ABAT: variants seen among roughly 807,000 people sequenced by gnomAD.
ABAT encodes the protein 4-aminobutyrate aminotransferase, mitochondrial.
A neutral mutation model predicts 64.6 loss-of-function variants in ABAT; 45 were observed. The ratio of observed to expected loss-of-function variants is 0.70; its 90% confidence interval spans 0.55 to 0.89. ABAT has a LOEUF of 0.89. Among genes scored for constraint, ABAT ranks in the 40% least tolerant of loss-of-function variants. ABAT has a pLI of 0.00. For missense variants in ABAT, 633 were observed against 658.4 expected (o/e 0.96, Z 0.42); for synonymous variants, 297 against 250.5 (o/e 1.19, Z -1.75).
intron 1 of ABAT, among the ~76,000 whole-genome samples, chr16:8,695,246 G>A (rs925760157): frequency 1.3e-5 from 2 of 152,222 alleles, no homozygotes; most frequent in Non-Finnish European, 2.9e-5. Context: ...TCTCCCCACT[G>A]GAGCTGGCAT....
At chr16:8,693,131 A>C (rs1396323079) in intron 1 of ABAT, among the ~76,000 whole-genome samples, 2 of 152,194 alleles carry the variant, frequency 1.3e-5, no homozygotes, top group Non-Finnish European at 1.5e-5. Flanking sequence ...TTGGGATTAC[A>C]GGCTTGAGCC....
chr16:8,755,114 A>C (rs1283999834), intron 5 of ABAT, among the ~76,000 whole-genome samples: 1 of 152,098 alleles, frequency 6.6e-6, no homozygotes, highest in African/African-American at 2.4e-5. Context: ...CTGTAAGCCC[A>C]AGAATATAGT....
In ABAT at chr16:8,776,583, CCTGCT is replaced by C; in HGVS notation, c.1269+94_1269+98del. 7.5e-7 allele frequency: 1 copy of C among 1,334,890 alleles called. No homozygotes were observed. Among genetic ancestry groups the C allele is most frequent in the Non-Finnish European group, 1.0e-6 (1 of 960,592 alleles). 82.7% of individuals were successfully genotyped at this position (1,334,890 alleles called of 1,614,324 possible). A position where few individuals can be genotyped will look rare whatever the true frequency, so the allele number is the denominator to read the frequency against. ...TGGAGCTCTTCGGCATGGTGTTGTG[CCTGCT>C]GTTCCAGCAGTTCGTAACGGGCTGT... On this transcript the variant is annotated intron_variant, in intron 14 of 15. Transcript: ENST00000268251. This position sits in a 1 kb window ranked among gnomAD's most constrained non-coding sequence, Gnocchi z 4.4.
chr16:8,753,765 C>T (rs2059560315), intron 5 of ABAT, among the ~76,000 whole-genome samples: 1 of 152,118 alleles, frequency 6.6e-6, no homozygotes. Context: ...TGGGGGAGTG[C>T]CAGGGATGAA....
chr16:8,704,350 T>C (rs951186477), intron 1 of ABAT, among the ~76,000 whole-genome samples: 1 of 152,266 alleles, frequency 6.6e-6, no homozygotes, highest in Non-Finnish European at 1.5e-5. Context: ...TTTCCTATAA[T>C]TAAATATCTG....
intron 1 of ABAT, among the ~76,000 whole-genome samples, chr16:8,678,082 C>G (rs1460203599): frequency 6.6e-6 from 1 of 152,050 alleles, no homozygotes; most frequent in Non-Finnish European, 1.5e-5. Context: ...AAATAAAAAC[C>G]AAAAACAGCT....
At chr16:8,742,108 C>A (rs1478273406) in intron 2 of ABAT, among the ~76,000 whole-genome samples, 1 of 152,192 alleles carries the variant, frequency 6.6e-6, no homozygotes, top group African/African-American at 2.4e-5. Context: ...CTGTCCTCAG[C>A]ATTCCTGGCT....
At chr16:8,748,442 A>G (rs904029673) in intron 4 of ABAT, among the ~76,000 whole-genome samples, 5 of 152,046 alleles carry the variant, frequency 3.3e-5, no homozygotes, top group African/African-American at 1.2e-4. Context: ...GCCTTTTTTT[A>G]TGGCCTAGCG....
intron 1 of ABAT, among the ~76,000 whole-genome samples, chr16:8,675,037 A>G (rs1400081873): frequency 6.6e-6 from 1 of 151,996 alleles, no homozygotes; most frequent in Non-Finnish European, 1.5e-5. Context: ...CTCTTGGGAG[A>G]CTGATGCCCC....
Position 8,757,745 on chromosome 16 carries a change from T to C in ABAT, c.317-12T>C. The C allele has an allele frequency of 6.2e-7, 1 of 1,613,866 alleles. No homozygotes were observed. Among genetic ancestry groups the C allele is most frequent in the Non-Finnish European group, 8.5e-7 (1 of 1,179,816 alleles). ...TGCAATGAGGTCTCTAACAATACTC[T>C]CCTGCCCTCAGGTTACAGCCACCCC... On this transcript the variant is annotated splice_polypyrimidine_tract_variant and intron_variant, in intron 5 of 15. Transcript: ENST00000268251.
intron 1 of ABAT, among the ~76,000 whole-genome samples, chr16:8,691,772 T>C (rs2057588608): frequency 6.6e-6 from 1 of 152,190 alleles, no homozygotes; most frequent in Non-Finnish European, 1.5e-5. Context: ...CTGGAGATGC[T>C]TTTGGTTGTT....
At chr16:8,744,725 G>A (rs1288762673) in intron 2 of ABAT, among the ~76,000 whole-genome samples, 8 of 151,710 alleles carry the variant, frequency 5.3e-5, no homozygotes, top group East Asian at 2.0e-4. Flanking sequence ...AAAATTAGCC[G>A]GGTGTAGTGG....
chr16:8,712,234 A>G (rs2058093572), intron 1 of ABAT, among the ~76,000 whole-genome samples: 1 of 152,164 alleles, frequency 6.6e-6, no homozygotes, highest in African/African-American at 2.4e-5. Flanking sequence ...CCATCTCATA[A>G]AAAAAGAAAA....
chr16:8,683,903 A>C (rs893132475), intron 1 of ABAT, among the ~76,000 whole-genome samples: 2 of 152,018 alleles, frequency 1.3e-5, no homozygotes, highest in African/African-American at 4.8e-5. Flanking sequence ...CATGATTTCC[A>C]TGTGCTGTGT....
At chr16:8,684,308 C>T (rs1057366075) in intron 1 of ABAT, among the ~76,000 whole-genome samples, 11 of 152,234 alleles carry the variant, frequency 7.2e-5, no homozygotes, top group African/African-American at 2.4e-4. Context: ...TATGGTGGCT[C>T]GCACCTGCAA....
chr16:8,743,661 GTTATAATA>G (rs1368371515), intron 2 of ABAT, among the ~76,000 whole-genome samples: 1 of 95,466 alleles, frequency 1.0e-5, no homozygotes, highest in African/African-American at 4.0e-5. Flanking sequence ...ATATATTTTA[GTTATAATA>G]TGTTATATAT....
rs750183696 is a variant in ABAT, at chr16:8,766,268, C to T, written c.601C>T (p.Gln201Ter). 2 of 1,613,886 alleles carry T rather than the reference C, an allele frequency of 1.2e-6. No homozygotes were observed. Among genetic ancestry groups the T allele is most frequent in the Non-Finnish European group, 8.5e-7 (1 of 1,179,844 alleles). ...GGAGCTGGAGACGTGCATGATTAAC[C>T]AGGTGAGTGCAGCTGGGCTTGCACC... ...QEELETCMIN[Q>*]APGCPDYSIL... is the part of the protein sequence containing the mutation. Residue 201 changes from glutamine (Q) to a stop codon, truncating the protein, a stop_gained and splice_region_variant, in exon 9 of 16, where the codon CAG becomes TAG. Transcript: ENST00000268251. LOFTEE classifies it high-confidence loss of function.
intron 14 of ABAT, 130 bp from the exon 15 acceptor site, chr16:8,779,349 T>C (rs977601308): frequency 2.8e-5 from 21 of 753,270 alleles, no homozygotes; most frequent in Non-Finnish European, 4.2e-5. Context: ...CTTAACCCCC[T>C]GGAGGTCCTG....
intron 1 of ABAT, among the ~76,000 whole-genome samples, chr16:8,688,408 C>T (rs891420508): frequency 1.3e-5 from 2 of 152,176 alleles, no homozygotes; most frequent in African/African-American, 2.4e-5. Context: ...GGAGGACCTC[C>T]CAGGGCCAGG....
Sources: allele counts gnomAD v4.1 joint callset (sites outside exome capture counted in the v4.1 genomes callset), GRCh38; gene constraint gnomAD v4.1.1; non-coding constraint Gnocchi (gnomAD v3.1); transcripts MANE v1.5; gene names NCBI Gene and HGNC (gene_info 2026-07-23, HGNC 2026-07-21).